Variants in FOXN2 observed in about 807,000 individuals in gnomAD.
The protein encoded by FOXN2 is forkhead box N2, also known as forkhead box protein N2.
A neutral mutation model predicts 41.2 loss-of-function variants in FOXN2; 19 were observed. That is an observed-to-expected ratio of 0.46 (90% confidence interval 0.32 to 0.68). The LOEUF (loss-of-function observed/expected upper bound fraction) is 0.68. Among genes scored for constraint, FOXN2 ranks in the 30% least tolerant of loss-of-function variants. The probability of loss-of-function intolerance (pLI) is 0.03; values close to 1 mark genes in which losing one functional copy is unlikely to be tolerated. For synonymous variants in FOXN2, 195 were observed against 176.8 expected (o/e 1.10, Z -0.82); for missense variants, 587 against 509.4 (o/e 1.15, Z -1.47).
intron 2 of FOXN2, among the ~76,000 whole-genome samples, chr2:48,336,457 G>GTA (rs775323322): frequency 1.1e-4 from 17 of 149,132 alleles, no homozygotes; most frequent in South Asian, 2.2e-4. Context: ...GTGTGTGTGT[G>GTA]TATATATATT....
rs372003312 is a variant in FOXN2 at position 48,374,950 on chromosome 2, T to C, written c.803T>C (p.Leu268Ser). The C allele has an allele frequency of 1.1e-5, 18 of 1,612,752 alleles. No homozygotes were observed. Among genetic ancestry groups the C allele is most frequent in the East Asian group, 8.9e-5 (4 of 44,866 alleles). The change falls in exon 7 of 7, where the codon TTG becomes TCG. Residue 268 changes from leucine to serine, a missense_variant. Transcript: ENST00000340553. The part of the protein sequence containing the change: ...CEKPLPLKTA[L>S]QKKRSYGNAF... Reference sequence around the variant, plus strand: ...AAGCCTCTTCCTCTTAAAACAGCATTGCAAAAAAAGAGGAGTTACGGCAAT... The same window carrying C: ...AAGCCTCTTCCTCTTAAAACAGCATCGCAAAAAAAGAGGAGTTACGGCAAT...
chr2:48,322,566 T>A (rs919252640), intron 1 of FOXN2, among the ~76,000 whole-genome samples: 1 of 152,080 alleles, frequency 6.6e-6, no homozygotes, highest in Admixed American at 6.5e-5. Context: ...AAGCTTGCTT[T>A]CTTTACACCT....
intron 5 of FOXN2, among the ~76,000 whole-genome samples, chr2:48,368,206 A>G (rs1341805401): frequency 1.3e-5 from 2 of 152,200 alleles, no homozygotes; most frequent in African/African-American, 4.8e-5. Context: ...GTTTGAAACT[A>G]TCAAATTTTG....
chr2:48,375,514 C>T lies in FOXN2; in HGVS notation c.*71C>T. On this transcript the variant is annotated 3_prime_UTR_variant, in exon 7 of 7. Transcript: ENST00000340553. ...GGGATATCAAAGCCATAATGGACTT[C>T]ATTAGTTTTAGGGTAGGGAAGGGAT... is the stretch of plus-strand genomic sequence containing the variant. The T allele has an allele frequency of 7.1e-7, 1 of 1,403,924 alleles. No individual in the cohort carries two copies. The highest frequency in any genetic ancestry group is 9.5e-7 in the Non-Finnish European group (1 of 1,051,456). The allele number at this position is 1,403,924 out of a possible 1,614,324, so 87.0% of individuals were successfully genotyped here.
chr2:48,333,473 C>T (rs1670141016), intron 2 of FOXN2, among the ~76,000 whole-genome samples: 1 of 152,104 alleles, frequency 6.6e-6, no homozygotes, highest in Non-Finnish European at 1.5e-5. Context: ...AGGTTACTCA[C>T]TCTGTATCCT....
chr2:48,337,907 G>C (rs922684691), intron 2 of FOXN2, among the ~76,000 whole-genome samples: 3 of 152,054 alleles, frequency 2.0e-5, no homozygotes, highest in Non-Finnish European at 2.9e-5. Flanking sequence ...ATCTGCCTTA[G>C]TATTTGATAT....
chr2:48,347,025 T>C (rs62137009), intron 3 of FOXN2, among the ~76,000 whole-genome samples: 49,099 of 151,958 alleles, frequency 0.32, 8,644 homozygotes, highest in East Asian at 0.53. Context: ...AGTGTTCCTA[T>C]AACTATCAGC....
chr2:48,365,297 T>C (rs1004503662), intron 5 of FOXN2, among the ~76,000 whole-genome samples: 2 of 152,200 alleles, frequency 1.3e-5, no homozygotes, highest in African/African-American at 4.8e-5. Flanking sequence ...CAAATAATGT[T>C]CTGCCTTAAC....
chr2:48,333,899 G>A (rs192101359), intron 2 of FOXN2, among the ~76,000 whole-genome samples: 11 of 152,234 alleles, frequency 7.2e-5, no homozygotes, highest in African/African-American at 2.6e-4. Flanking sequence ...GTGTGTGTGT[G>A]TGTGTGTATG....
intron 5 of FOXN2, among the ~76,000 whole-genome samples, chr2:48,370,643 A>G (rs1441874306): frequency 2.6e-5 from 4 of 151,938 alleles, no homozygotes; most frequent in South Asian, 2.1e-4. Flanking sequence ...TTTAAATTAG[A>G]GGATTTTGGT....
chr2:48,322,489 G>C (rs1164095274), intron 1 of FOXN2, among the ~76,000 whole-genome samples: 3 of 152,076 alleles, frequency 2.0e-5, no homozygotes, highest in African/African-American at 7.2e-5. Context: ...AGTTAAGCCT[G>C]TTTTCTTGCT....
chr2:48,355,661 C>T (rs1296357540), intron 3 of FOXN2, among the ~76,000 whole-genome samples: 1 of 151,978 alleles, frequency 6.6e-6, no homozygotes, highest in Admixed American at 6.6e-5. Flanking sequence ...TAAATGTTAG[C>T]ATTGCATTTG....
chr2:48,317,418 C>T (rs146009646), intron 1 of FOXN2, among the ~76,000 whole-genome samples: 1,679 of 150,944 alleles, frequency 0.011, 18 homozygotes, highest in Admixed American at 0.029. Flanking sequence ...CACTGCACTC[C>T]AGCCTGGGCA....
chr2:48,369,101 CAG>C (rs1345082936), intron 5 of FOXN2, among the ~76,000 whole-genome samples: 1 of 152,132 alleles, frequency 6.6e-6, no homozygotes, highest in Non-Finnish European at 1.5e-5. Flanking sequence ...GTTATAGAAA[CAG>C]TACTTAATTT....
chr2:48,330,888 G>A (rs1669979330), intron 2 of FOXN2, among the ~76,000 whole-genome samples: 1 of 152,278 alleles, frequency 6.6e-6, no homozygotes, highest in African/African-American at 2.4e-5. Context: ...AATTTTATCT[G>A]TAGGCTAGAT....
intron 3 of FOXN2, among the ~76,000 whole-genome samples, chr2:48,356,326 A>C (rs1364707120): frequency 6.6e-6 from 1 of 151,886 alleles, no homozygotes; most frequent in Non-Finnish European, 1.5e-5. Flanking sequence ...CTGTAATCCC[A>C]GCTACTTGGG....
At chr2:48,331,623 A>G (rs1173905898) in intron 2 of FOXN2, among the ~76,000 whole-genome samples, 2 of 152,030 alleles carry the variant, frequency 1.3e-5, no homozygotes, top group African/African-American at 4.8e-5. Context: ...TTTGAGACCA[A>G]CCTGAGCAAC....
chr2:48,349,361 T>C (rs941196607), intron 3 of FOXN2, among the ~76,000 whole-genome samples: 1 of 150,988 alleles, frequency 6.6e-6, no homozygotes, highest in African/African-American at 2.4e-5. Flanking sequence ...GTGGTACATG[T>C]AGTCCCAGCT....
chr2:48,342,861 T>A (rs1042758618), intron 2 of FOXN2, among the ~76,000 whole-genome samples: 29 of 152,200 alleles, frequency 1.9e-4, no homozygotes, highest in Admixed American at 6.5e-5. Context: ...CAATACTTGG[T>A]TTTTAAACTT....
Sources: gnomAD v4.1 joint callset for allele counts (sites outside exome capture counted in the v4.1 genomes callset) on GRCh38, gnomAD v4.1.1 for gene constraint, MANE v1.5 for transcripts, NCBI Gene and HGNC (gene_info 2026-07-23, HGNC 2026-07-21) for gene names.